The following CHN1 variants were observed in gnomAD, a reference collection of about 807,000 sequenced individuals.
The protein encoded by CHN1 is N-chimaerin.
A neutral mutation model predicts 59.5 loss-of-function variants in CHN1; 37 were observed. The ratio of observed to expected loss-of-function variants is 0.62; its 90% confidence interval spans 0.48 to 0.82. The LOEUF is 0.82. Ranked by LOEUF, CHN1 falls within the 40% of genes least tolerant of loss-of-function variation. The probability of loss-of-function intolerance (pLI) is 0.00; values close to 1 mark genes in which losing one functional copy is unlikely to be tolerated. For missense variants in CHN1, 469 were observed against 571.0 expected, an observed-to-expected ratio of 0.82 and a Z score of 1.82; for synonymous variants, 206 against 200.4, an observed-to-expected ratio of 1.03 and a Z score of -0.24.
chr2:174,882,144 C>T (rs1421535353), intron 5 of CHN1, among the ~76,000 whole-genome samples: 1 of 152,184 alleles, frequency 6.6e-6, no homozygotes, highest in Non-Finnish European at 1.5e-5. Context: ...ATAGGCCCAA[C>T]TCTCACCTAG....
At chr2:174,845,468 T>G (rs1484663023) in intron 7 of CHN1, among the ~76,000 whole-genome samples, 1 of 152,132 alleles carries the variant, frequency 6.6e-6, no homozygotes, top group East Asian at 1.9e-4. Context: ...CTGAATGTAT[T>G]GCTTAGGTTC....
chr2:174,884,967 T>C (rs1057000229), intron 5 of CHN1, among the ~76,000 whole-genome samples: 1 of 152,138 alleles, frequency 6.6e-6, no homozygotes, highest in Non-Finnish European at 1.5e-5. Context: ...GCTAGCTATA[T>C]GTAACAATAA....
At chr2:174,977,287 T>C (rs1312454638) in intron 1 of CHN1, among the ~76,000 whole-genome samples, 1 of 152,192 alleles carries the variant, frequency 6.6e-6, no homozygotes, top group Non-Finnish European at 1.5e-5. Flanking sequence ...CATCTGATAA[T>C]CTATATTGAC....
At position 174,873,981 on chromosome 2, in the gene CHN1, T is replaced by C. The variant is rs560994841; in HGVS notation, c.549+3859A>G. On this transcript the variant is annotated intron_variant, in intron 6 of 12. Transcript: ENST00000409900. ...ATGTGGGACAGATTTAGATCTTAGATAACAAAATCCCAAAGTAAAGACATC... is the reference window on the plus strand; with the variant it reads ...ATGTGGGACAGATTTAGATCTTAGACAACAAAATCCCAAAGTAAAGACATC... Among the ~76,000 whole-genome samples, 58 of 152,304 alleles carry C rather than the reference T, an allele frequency of 3.8e-4. No individual in the cohort carries two copies. The South Asian group carries it at 0.011, about 30-fold the overall frequency.
intron 5 of CHN1, among the ~76,000 whole-genome samples, chr2:174,903,319 A>G (rs1262806163): frequency 3.3e-5 from 5 of 152,238 alleles, no homozygotes; most frequent in Non-Finnish European, 7.3e-5. Context: ...TGTTTATTGC[A>G]CAACTATATA....
At chr2:174,864,879 A>T (rs1687170374) in intron 6 of CHN1, among the ~76,000 whole-genome samples, 2 of 152,308 alleles carry the variant, frequency 1.3e-5, no homozygotes, top group South Asian at 2.1e-4. Flanking sequence ...ATAAATAAAT[A>T]AAAATAAAAT....
chr2:174,998,068 C>T (rs777201377), intron 1 of CHN1, among the ~76,000 whole-genome samples: 3 of 147,308 alleles, frequency 2.0e-5, no homozygotes, highest in African/African-American at 5.0e-5. Context: ...TTTGGGGGGC[C>T]GAGATGGGTG....
chr2:174,988,356 C>CA (rs368043665), intron 1 of CHN1, among the ~76,000 whole-genome samples: 3,244 of 61,162 alleles, frequency 0.053, 124 homozygotes, highest in African/African-American at 0.15. Context: ...AACTCCGTCT[C>CA]AAAAAAAAAA....
intron 7 of CHN1, among the ~76,000 whole-genome samples, chr2:174,837,781 A>T (rs1029589847): frequency 2.0e-5 from 3 of 152,192 alleles, no homozygotes; most frequent in Non-Finnish European, 2.9e-5. Context: ...TGTGTAGTAA[A>T]AATATTTAAA....
intron 7 of CHN1, among the ~76,000 whole-genome samples, chr2:174,829,359 G>T (rs1685792947): frequency 6.6e-6 from 1 of 152,236 alleles, no homozygotes; most frequent in Admixed American, 6.5e-5. Context: ...AGTGTCATGT[G>T]TCTCCTGGGC....
At chr2:174,995,481 C>A (rs1376997396) in intron 1 of CHN1, among the ~76,000 whole-genome samples, 1 of 152,082 alleles carries the variant, frequency 6.6e-6, no homozygotes, top group South Asian at 2.1e-4. Flanking sequence ...TGGGGGCATG[C>A]AAAGGGAATG....
At chr2:174,978,188 C>T (rs1691014901) in intron 1 of CHN1, among the ~76,000 whole-genome samples, 1 of 152,144 alleles carries the variant, frequency 6.6e-6, no homozygotes, top group African/African-American at 2.4e-5. Flanking sequence ...AAGGTTCATG[C>T]ATTGCTTTTG....
intron 6 of CHN1, among the ~76,000 whole-genome samples, chr2:174,852,058 C>G (rs1163425700): frequency 6.6e-6 from 1 of 152,004 alleles, no homozygotes; most frequent in Non-Finnish European, 1.5e-5. Flanking sequence ...GGGAGGATCA[C>G]TTGAGGTCAG....
intron 1 of CHN1, 140 bp from the exon 2 acceptor site, chr2:174,952,342 G>GT: frequency 8.6e-6 from 4 of 463,280 alleles, no homozygotes; most frequent in Non-Finnish European, 1.5e-5. Context: ...GGCATTCAAG[G>GT]GTTTTTTTTT....
chr2:174,839,140 C>G (rs1185592908), intron 7 of CHN1, among the ~76,000 whole-genome samples: 1 of 151,940 alleles, frequency 6.6e-6, no homozygotes, highest in Non-Finnish European at 1.5e-5. Context: ...CTAAATTGAG[C>G]TAATTAATGT....
rs541327509 is a variant in CHN1 at position 174,988,282 on chromosome 2, G to C, written c.19+16612C>G. 4.7e-3 allele frequency among the ~76,000 whole-genome samples: 707 copies of C among 151,412 alleles called. 21 individuals are homozygous for C. The highest frequency in any genetic ancestry group is 0.01 in the Middle Eastern group (3 of 294). Reference sequence around the variant, plus strand: ...TGAGGCAGGAGAATGGCGTGAACCCGGGAGGCGGAGCTTGCAGTGAGTCGA... The same window carrying C: ...TGAGGCAGGAGAATGGCGTGAACCCCGGAGGCGGAGCTTGCAGTGAGTCGA... On this transcript the variant is annotated intron_variant, in intron 1 of 12. Transcript: ENST00000409900.
At chr2:174,830,025 G>T (rs1685818358) in intron 7 of CHN1, among the ~76,000 whole-genome samples, 1 of 152,048 alleles carries the variant, frequency 6.6e-6, no homozygotes, top group East Asian at 1.9e-4. Context: ...GAGGTCAAGA[G>T]ATCGAGACTA....
At chr2:174,948,125 T>C (rs1292317457) in intron 2 of CHN1, among the ~76,000 whole-genome samples, 2 of 152,190 alleles carry the variant, frequency 1.3e-5, no homozygotes, top group African/African-American at 2.4e-5. Context: ...AGATCACAAA[T>C]TGGTATCTTG....
rs1465787334 is a variant in CHN1 at position 174,799,943 on chromosome 2, G to A, written c.*173C>T. 11 of 708,198 alleles carry A rather than the reference G, an allele frequency of 1.6e-5. No homozygotes were observed. In the Admixed American group the frequency reaches 1.6e-4, roughly 10 times the overall value. The allele number at this position is 708,198 out of a possible 1,614,324, so 43.9% of individuals were successfully genotyped here. A position where few individuals can be genotyped will look rare whatever the true frequency, so the allele number is the denominator to read the frequency against. On this transcript the variant is annotated 3_prime_UTR_variant, in exon 13 of 13. Transcript: ENST00000409900. ...TAGAACCAGAAAGCGTGTGTTCACT[G>A]TTTTACAAGACAGCTGAGCGGTGCT... is the stretch of plus-strand genomic sequence containing the variant.
Sources: gnomAD v4.1 joint callset for allele counts (sites outside exome capture counted in the v4.1 genomes callset) on GRCh38, gnomAD v4.1.1 for gene constraint, MANE v1.5 for transcripts, NCBI Gene and HGNC (gene_info 2026-07-23, HGNC 2026-07-21) for gene names.